The following TYW1B variants were observed in gnomAD, a reference collection of about 807,000 sequenced individuals.
TYW1B encodes the protein tRNA-yW synthesizing protein 1 homolog B, also known as S-adenosyl-L-methionine-dependent tRNA 4-demethylwyosine synthase TYW1B.
A neutral mutation model predicts 86.9 loss-of-function variants in TYW1B; 73 were observed. The observed-to-expected ratio is 0.84, with a 90% CI of 0.70 to 1.02. The LOEUF is 1.02. TYW1B is among the 50% of genes least tolerant of loss of function. The pLI is 0.00. For synonymous variants in TYW1B, 248 were observed against 292.8 expected (o/e 0.85, Z 1.56); for missense variants, 637 against 827.4 (o/e 0.77, Z 2.82).
intron 12 of TYW1B, among the ~76,000 whole-genome samples, chr7:72,625,901 G>T (rs1222618286): frequency 3.7e-4 from 32 of 86,456 alleles, no homozygotes; most frequent in Non-Finnish European, 6.0e-4. Context: ...TGGGGCGGGG[G>T]GGGGGGAAGA....
intron 2 of TYW1B, among the ~76,000 whole-genome samples, chr7:72,817,556 G>A (rs1788747246): frequency 6.6e-6 from 1 of 152,144 alleles, no homozygotes; most frequent in Admixed American, 6.6e-5. Context: ...AGGTGTTTGG[G>A]TCATGGGGGT....
intron 12 of TYW1B, among the ~76,000 whole-genome samples, chr7:72,627,504 ACAT>A (rs1812376826): frequency 6.8e-6 from 1 of 146,776 alleles, no homozygotes; most frequent in South Asian, 2.1e-4. Flanking sequence ...ACATAACATA[ACAT>A]AACATAAATA....
intron 10 of TYW1B, among the ~76,000 whole-genome samples, chr7:72,711,865 T>C (rs1161260049): frequency 6.6e-6 from 1 of 150,830 alleles, no homozygotes; most frequent in Non-Finnish European, 1.5e-5. Flanking sequence ...CTTTTTTTTT[T>C]CCTATTTCCC....
chr7:72,576,518 T>C (rs1266489130), intron 13 of TYW1B, among the ~76,000 whole-genome samples: 1 of 149,642 alleles, frequency 6.7e-6, no homozygotes, highest in East Asian at 2.0e-4. Flanking sequence ...TCTTTTTTTT[T>C]TTTTTTTTTT....
chr7:72,577,958 G>A (rs1404667450), intron 13 of TYW1B, among the ~76,000 whole-genome samples: 3 of 152,064 alleles, frequency 2.0e-5, no homozygotes, highest in Non-Finnish European at 2.9e-5. Context: ...CTGGCCACAG[G>A]ACCTCACTGT....
intron 7 of TYW1B, chr7:72,768,786 C>CA (rs35836607): frequency 0.016 from 2,183 of 134,928 alleles, 36 homozygotes; most frequent in Middle Eastern, 0.086. Flanking sequence ...GACTCCATCT[C>CA]AAAAAAAAAA....
At chr7:72,661,682 T>C (rs797027243) in intron 11 of TYW1B, among the ~76,000 whole-genome samples, 144 of 145,174 alleles carry the variant, frequency 9.9e-4, no homozygotes, top group African/African-American at 1.5e-3. Context: ...CAACTTTGAT[T>C]TAAATTTTGC....
intron 7 of TYW1B, among the ~76,000 whole-genome samples, chr7:72,755,763 T>C (rs551823743): frequency 3.5e-4 from 53 of 152,268 alleles, no homozygotes; most frequent in African/African-American, 1.2e-3. Context: ...GTTTCTCAAA[T>C]ATCCACAAAT....
intron 7 of TYW1B, among the ~76,000 whole-genome samples, chr7:72,754,734 A>C (rs148545327): frequency 4.3e-4 from 65 of 152,212 alleles, no homozygotes; most frequent in African/African-American, 1.5e-3. Context: ...CACTGCAGCC[A>C]GCCACTTTAC....
intron 13 of TYW1B, among the ~76,000 whole-genome samples, chr7:72,592,064 CT>C (rs1811408393): frequency 6.6e-6 from 1 of 150,954 alleles, no homozygotes; most frequent in African/African-American, 2.4e-5. Flanking sequence ...CTCAGATGAT[CT>C]GCCCACCTCG....
rs1425266342 is a variant in TYW1B, at chr7:72,691,980, C to T, written c.1506+2707G>A. ...CAGCACTTTGGGAGGTTGAGGCAGG[C>T]GGATCACTTGAGGTCAGGAGTTTGA... is the stretch of plus-strand genomic sequence containing the variant. On this transcript the variant is annotated intron_variant, in intron 11 of 13. Transcript: ENST00000620995. 4.0e-5 allele frequency among the ~76,000 whole-genome samples: 6 copies of T among 151,642 alleles called. No homozygotes were observed. In the South Asian group the frequency reaches 1.3e-3, roughly 32 times the overall value.
rs1563038659 is a variant in TYW1B at position 72,632,376 on chromosome 7, T to TTATATATATACGTATATATATATAA, written c.1507-3404_1507-3380dup. On this transcript the variant is annotated intron_variant, in intron 11 of 13. Coordinates refer to ENST00000620995, the MANE Select transcript of TYW1B (RefSeq NM_001145440.3). ...TATATTATATATATACGCATATATATTATATATATACGTATATATATATAA... is the reference window on the plus strand; with the variant it reads ...TATATTATATATATACGCATATATATTATATATATACGTATATATATATAATATATATATACGTATATATATATAA... 1.2e-3 allele frequency among the ~76,000 whole-genome samples: 118 copies of TTATATATATACGTATATATATATAA among 96,220 alleles called. 1 individual carries two copies. The highest frequency in any genetic ancestry group is 7.1e-3 in the South Asian group (24 of 3,382). The allele number at this position is 96,220 out of a possible 152,430, so 63.1% of individuals were successfully genotyped here.
intron 11 of TYW1B, among the ~76,000 whole-genome samples, chr7:72,647,543 AC>A (rs1187071537): frequency 1.3e-5 from 2 of 152,224 alleles, no homozygotes; most frequent in African/African-American, 4.8e-5. Flanking sequence ...AACAATGGTC[AC>A]GAAACCCAAC....
chr7:72,747,366 T>G (rs1292670175), intron 7 of TYW1B, among the ~76,000 whole-genome samples: 1 of 152,224 alleles, frequency 6.6e-6, no homozygotes, highest in African/African-American at 2.4e-5. Context: ...TCCCCAGCCA[T>G]GTGAAACTGT....
intron 7 of TYW1B, among the ~76,000 whole-genome samples, chr7:72,751,017 T>C (rs1326846399): frequency 3.3e-5 from 5 of 150,824 alleles, no homozygotes; most frequent in Non-Finnish European, 1.5e-5. Context: ...CTTTTGTCTA[T>C]GTTGTTCAGA....
chr7:72,760,012 C>CA (rs140144189), intron 7 of TYW1B, among the ~76,000 whole-genome samples: 3,125 of 151,930 alleles, frequency 0.021, 127 homozygotes, highest in African/African-American at 0.072. Context: ...CATATACACA[C>CA]AAAAAAAATC....
At chr7:72,610,483 G>A (rs1217484021) in intron 13 of TYW1B, among the ~76,000 whole-genome samples, 8 of 151,816 alleles carry the variant, frequency 5.3e-5, no homozygotes, top group East Asian at 1.9e-4. Flanking sequence ...CTGCACACTC[G>A]TTAATGGTCC....
intron 2 of TYW1B, among the ~76,000 whole-genome samples, chr7:72,825,194 T>C (rs1206317930): frequency 4.6e-5 from 7 of 151,892 alleles, no homozygotes; most frequent in African/African-American, 1.5e-4. Context: ...ACCACACTAT[T>C]ACCATCTGCA....
At chr7:72,743,378 C>A (rs1554462828) in intron 8 of TYW1B, among the ~76,000 whole-genome samples, 1 of 152,156 alleles carries the variant, frequency 6.6e-6, no homozygotes, top group Non-Finnish European at 1.5e-5. Flanking sequence ...CGTCCCCCTT[C>A]TTTCCTAGCA....
Sources: allele counts gnomAD v4.1 joint callset (sites outside exome capture counted in the v4.1 genomes callset), GRCh38; gene constraint gnomAD v4.1.1; transcripts MANE v1.5; gene names NCBI Gene and HGNC (gene_info 2026-07-23, HGNC 2026-07-21).